SYNJ2: variants seen among roughly 807,000 people sequenced by gnomAD.
The protein encoded by SYNJ2 is polyphosphatidylinositol phosphatase SYNJ2.
In SYNJ2, 116 loss-of-function variants were observed where a neutral mutation model predicts 141.3. That is an observed-to-expected ratio of 0.82 (90% CI 0.71 to 0.96). SYNJ2 has a LOEUF of 0.96. Ranked by LOEUF, SYNJ2 falls within the 40% of genes least tolerant of loss-of-function variation. The pLI is 0.00. For synonymous variants in SYNJ2, 745 were observed against 777.7 expected (o/e 0.96, Z 0.70); for missense variants, 1,873 against 1,934.8 (o/e 0.97, Z 0.60).
chr6:158,054,491 G>C (rs1328767089), intron 5 of SYNJ2, among the ~76,000 whole-genome samples: 1 of 152,182 alleles, frequency 6.6e-6, no homozygotes, highest in African/African-American at 2.4e-5. Flanking sequence ...CTAAAACTAA[G>C]TTGAGTATTA....
At position 158,086,881 on chromosome 6, in the gene SYNJ2, C is replaced by T. The variant is rs1192562425; in HGVS notation, c.3235C>T (p.Arg1079Trp). ...KDDADLVELK[R>W]ELEAVGEFRH... ...TGACGCGGACCTGGTGGAGCTCAAG[C>T]GGGAGCTGGAAGCCGTCGGGGAGTT... is the stretch of plus-strand genomic sequence containing the variant. Residue 1079 changes from arginine to tryptophan, a missense_variant, in exon 23 of 27, where the codon CGG becomes TGG. Arg to Trp is a moderately radical substitution (Grantham distance 101, BLOSUM62 -3). Transcript: ENST00000355585. 4 of 1,611,228 alleles carry T rather than the reference C, an allele frequency of 2.5e-6. No individual in the cohort carries two copies. The highest frequency in any genetic ancestry group is 1.1e-5 in the South Asian group (1 of 91,090).
intron 1 of SYNJ2, among the ~76,000 whole-genome samples, chr6:157,996,741 G>T (rs567798664): frequency 7.9e-5 from 12 of 152,264 alleles, no homozygotes; most frequent in Non-Finnish European, 1.3e-4. Flanking sequence ...CACAAGATCT[G>T]ATTGTTTAAA....
chr6:158,019,617 C>T (rs895537542), intron 2 of SYNJ2, among the ~76,000 whole-genome samples: 2 of 152,046 alleles, frequency 1.3e-5, no homozygotes, highest in South Asian at 2.1e-4. Context: ...AGCCAGTCCC[C>T]GCCACCCCAC....
In SYNJ2 at chr6:158,089,874, T is replaced by G; in HGVS notation, c.3492T>G (p.Asn1164Lys). The G allele has an allele frequency of 6.2e-7, 1 of 1,614,078 alleles. No individual in the cohort carries two copies. Among genetic ancestry groups the G allele is most frequent in the Non-Finnish European group, 8.5e-7 (1 of 1,179,998 alleles). The change falls in exon 25 of 27, where the codon AAT becomes AAG. Residue 1164 changes from asparagine to lysine, a missense_variant. Transcript: ENST00000355585. ...KARTGISKPY[N>K]VKQIKTTNAQ... ...GGACTGGAATAAGTAAACCTTATAA[T>G]GTCAAGCAGATCAAAACCACCAATG...
Position 158,096,349 on chromosome 6 carries a change from A to C in SYNJ2, c.4476A>C (p.Pro1492=), listed in dbSNP as rs1451146994. The C allele has an allele frequency of 6.2e-7, 1 of 1,605,706 alleles. No homozygotes were observed. The highest frequency in any genetic ancestry group is 1.3e-5 in the African/African-American group (1 of 74,370). ...GGACAGCACTGCAGGTGTTTGACCC[A>C]CTGGCAAAAACATGACTGAGCAGCT... ...EKRTALQVFD[P]LAKT Residue 1492 remains proline (P), a synonymous_variant, in exon 27 of 27, where the codon CCA becomes CCC. Coordinates refer to ENST00000355585, the MANE Select transcript of SYNJ2 (RefSeq NM_003898.4).
At chr6:158,021,132 CAAG>C (rs1309930624) in intron 2 of SYNJ2, among the ~76,000 whole-genome samples, 4 of 152,176 alleles carry the variant, frequency 2.6e-5, no homozygotes, top group African/African-American at 9.7e-5. Context: ...CTCTTGAACC[CAAG>C]CTCTCAAGGC....
At chr6:157,989,574 C>A (rs1351428642) in intron 1 of SYNJ2, among the ~76,000 whole-genome samples, 1 of 151,734 alleles carries the variant, frequency 6.6e-6, no homozygotes, top group Non-Finnish European at 1.5e-5. Context: ...CAGCCCCTTT[C>A]TGAGCAGAGG....
Position 158,082,035 on chromosome 6 carries a change from G to A in SYNJ2, c.2865+525G>A, listed in dbSNP as rs930465718. ...TCTGGTTCTAAGGTGTCTCATGTCCGGCTCTAGCTACTTGCAAAATAGGGC... is the reference window on the plus strand; with the variant it reads ...TCTGGTTCTAAGGTGTCTCATGTCCAGCTCTAGCTACTTGCAAAATAGGGC... On this transcript the variant is annotated intron_variant, in intron 20 of 26. Coordinates refer to ENST00000355585, the MANE Select transcript of SYNJ2 (RefSeq NM_003898.4). 5.9e-5 allele frequency among the ~76,000 whole-genome samples: 9 copies of A among 152,130 alleles called. No individual in the cohort carries two copies. The South Asian group carries it at 8.3e-4, about 14-fold the overall frequency.
At chr6:158,028,565 A>G (rs1779184397) in intron 2 of SYNJ2, 191 bp from the exon 3 acceptor site, 2 of 696,696 alleles carry the variant, frequency 2.9e-6, no homozygotes, top group East Asian at 2.7e-5. Context: ...CACTTTGAGA[A>G]GCCCCGCCTG....
At chr6:158,026,807 C>T in intron 2 of SYNJ2, 3 of 984,816 alleles carry the variant, frequency 3.0e-6, no homozygotes, top group Non-Finnish European at 3.6e-6. Context: ...CTGAACTGTG[C>T]TTTTCCCTGC....
chr6:158,002,231 A>G (rs559836776), intron 1 of SYNJ2: 1 of 152,346 alleles, frequency 6.6e-6, no homozygotes, highest in South Asian at 2.1e-4. Context: ...GAGTGGTGAA[A>G]TTGAAGTGTG....
chr6:158,000,064 CTTTTTTTTTTTTTTTTTTTTTTTTTTT>C (rs58284240), intron 1 of SYNJ2, among the ~76,000 whole-genome samples: 6 of 85,596 alleles, frequency 7.0e-5, no homozygotes, highest in Admixed American at 1.4e-4. Flanking sequence ...AGCCAAAAGG[CTTTTTTTTTTTTTTTTTTTTTTTTTTT>C]TTTTTTTTTT....
At position 158,043,366 on chromosome 6, in the gene SYNJ2, C is replaced by T. The variant is rs780222963; in HGVS notation, c.762C>T (p.Ser254=). 1.5e-5 allele frequency: 25 copies of T among 1,614,104 alleles called. No homozygotes were observed. The South Asian group carries it at 1.8e-4, about 11-fold the overall frequency. Reference sequence around the variant, plus strand: ...CATCTTTTGTCCAGATCAGAGGCTCCGTTCCGCTGTTCTGGGAACAGCCAG... The same window carrying T: ...CATCTTTTGTCCAGATCAGAGGCTCTGTTCCGCTGTTCTGGGAACAGCCAG... ...GVSSFVQIRG[S]VPLFWEQPGL... is the part of the protein sequence containing the mutation. The change falls in exon 5 of 27, where the codon TCC becomes TCT. Residue 254 remains serine, a synonymous_variant. Coordinates refer to ENST00000355585, the MANE Select transcript of SYNJ2 (RefSeq NM_003898.4). This position sits in a 1 kb window ranked among gnomAD's most constrained non-coding sequence, Gnocchi z 4.0.
intron 12 of SYNJ2, chr6:158,068,001 G>C (rs1049293837): frequency 1.0e-6 from 1 of 985,114 alleles, no homozygotes; most frequent in Admixed American, 6.2e-5. Flanking sequence ...CTGGTATTTT[G>C]CAGGGGATTT....
rs563667564 is a variant in SYNJ2 at position 158,003,452 on chromosome 6, GCCAGTCAGAACTGAGCT to G, written c.128-13749_128-13733del. Among the ~76,000 whole-genome samples the G allele has an allele frequency of 1.6e-4, 25 of 152,336 alleles. No homozygotes were observed. In the South Asian group the frequency reaches 4.3e-3, roughly 27 times the overall value. On this transcript the variant is annotated intron_variant, in intron 1 of 26. Transcript: ENST00000355585. The stretch of plus-strand genomic sequence containing the variant: ...ATAACTCTGGAAGGAGCAGCCACCA[GCCAGTCAGAACTGAGCT>G]CCGAATTAACACATGAAGGAGACTT...
chr6:158,014,348 T>A (rs984578481), intron 1 of SYNJ2, among the ~76,000 whole-genome samples: 2 of 152,236 alleles, frequency 1.3e-5, no homozygotes, highest in Non-Finnish European at 2.9e-5. Context: ...ATCTGTTTAT[T>A]CAGTAAGGTG....
At chr6:158,087,949 A>T (rs946841210) in intron 23 of SYNJ2, among the ~76,000 whole-genome samples, 1 of 94,592 alleles carries the variant, frequency 1.1e-5, no homozygotes, top group Admixed American at 1.3e-4. Context: ...TTAATGGGTT[A>T]TATTTTCTGT....
rs1474188740 is a variant in SYNJ2, at chr6:158,084,017, C to T, written c.3051C>T (p.Asp1017=). The stretch of plus-strand genomic sequence containing the variant: ...TTCTCCCAGGGGATATTCTTGAAGA[C>T]GATGAAGACTACTTGGTGGATGAAT... The part of the protein sequence containing the change: ...DYESEGDILE[D]DEDYLVDEFN... Residue 1017 remains aspartate, a synonymous_variant, in exon 22 of 27, where the codon GAC becomes GAT. Coordinates refer to ENST00000355585, the MANE Select transcript of SYNJ2 (RefSeq NM_003898.4). The surrounding 1 kb of genome is among the most constrained non-coding windows in gnomAD (Gnocchi z 5.0). 13 of 1,613,978 alleles carry T rather than the reference C, an allele frequency of 8.1e-6. No homozygotes were observed. Among genetic ancestry groups the T allele is most frequent in the East Asian group, 4.5e-5 (2 of 44,890 alleles).
intron 25 of SYNJ2, among the ~76,000 whole-genome samples, chr6:158,092,080 C>T (rs754569650): frequency 8.7e-5 from 13 of 148,580 alleles, no homozygotes; most frequent in African/African-American, 2.3e-4. Context: ...GTGAATTTCA[C>T]GGTATGTGAA....
Sources: gnomAD v4.1 joint callset for allele counts (sites outside exome capture counted in the v4.1 genomes callset) on GRCh38, gnomAD v4.1.1 for gene constraint, Gnocchi (gnomAD v3.1) non-coding constraint, MANE v1.5 for transcripts, NCBI Gene and HGNC (gene_info 2026-07-23, HGNC 2026-07-21) for gene names.